The following GPR157 variants were observed in gnomAD, a reference collection of about 807,000 sequenced individuals.
The protein encoded by GPR157 is G-protein coupled receptor 157.
Under a neutral mutation model 23.5 loss-of-function variants are expected in GPR157, and 16 were observed. The ratio of observed to expected loss-of-function variants is 0.68; its 90% CI spans 0.46 to 1.04. The LOEUF (loss-of-function observed/expected upper bound fraction) is 1.04. GPR157 is among the 50% of genes least tolerant of loss of function. The pLI is 0.00. For synonymous variants in GPR157, 200 were observed against 221.5 expected (o/e 0.90, Z 0.86); for missense variants, 440 against 460.7 (o/e 0.96, Z 0.41).
In GPR157 at chr1:9,129,020, G is replaced by T. The variant is rs1482223820; in HGVS notation, c.8C>A (p.Pro3Gln). 2 of 1,287,770 alleles carry T rather than the reference G, an allele frequency of 1.6e-6. No individual in the cohort carries two copies. The highest frequency in any genetic ancestry group is 9.8e-7 in the Non-Finnish European group (1 of 1,020,424). 79.8% of individuals were successfully genotyped at this position (1,287,770 alleles called of 1,614,324 possible). Reference sequence around the variant, plus strand: ...CACCAGCTCGGTGGGCGGCGGGGACGGCTGCATGGCGTGGGGGGCCAGGAG... The same window carrying T: ...CACCAGCTCGGTGGGCGGCGGGGACTGCTGCATGGCGTGGGGGGCCAGGAG... MQ[P>Q]SPPPTELVPS... Residue 3 changes from proline to glutamine, a missense_variant, in exon 1 of 4, where the codon CCG becomes CAG. Coordinates refer to ENST00000377411, the MANE Select transcript of GPR157 (RefSeq NM_024980.5).
rs533249081 is a variant in GPR157, at chr1:9,105,494, C to G, written c.784G>C (p.Val262Leu). ...AGGGAGGGCAGACCTACATGCAGAACCACCAGCACCGGCGTCTGCACGGCC... is the reference window on the plus strand; with the variant it reads ...AGGGAGGGCAGACCTACATGCAGAAGCACCAGCACCGGCGTCTGCACGGCC... Reference protein sequence around the residue: ...SPAVQTPVLVVLHGIGNTFQG... With the variant: ...SPAVQTPVLVLLHGIGNTFQG... The change falls in exon 3 of 4, where the codon GTT becomes CTT. Residue 262 changes from valine to leucine, a missense_variant. Physicochemically the swap from Val to Leu is conservative, Grantham distance 32 (BLOSUM62 1). Transcript: ENST00000377411. The surrounding 1 kb of genome is among the most constrained non-coding windows in gnomAD (Gnocchi z 4.8). The G allele has an allele frequency of 3.5e-5, 54 of 1,564,298 alleles. No homozygotes were observed. The South Asian group carries it at 6.0e-4, about 17-fold the overall frequency.
chr1:9,118,854 T>G lies in GPR157; in HGVS notation c.384-7365A>C, dbSNP rs1423550537. Among the ~76,000 whole-genome samples the G allele has an allele frequency of 6.6e-6, 1 of 151,972 alleles. No individual in the cohort carries two copies. The highest frequency in any genetic ancestry group is 1.5e-5 in the Non-Finnish European group (1 of 67,978). ...TTTGAGACCAGCCTGGGCAACAAAG[T>G]GAGACCCTGTCTCTACAAAAAAATA... On this transcript the variant is annotated intron_variant, in intron 1 of 3. Coordinates refer to ENST00000377411, the MANE Select transcript of GPR157 (RefSeq NM_024980.5). This position sits in a 1 kb window ranked among gnomAD's most constrained non-coding sequence, Gnocchi z 4.6.
At chr1:9,113,606 G>C (rs150924600) in intron 1 of GPR157, among the ~76,000 whole-genome samples, 1 of 152,260 alleles carries the variant, frequency 6.6e-6, no homozygotes, top group East Asian at 1.9e-4. Context: ...TCGGTGGCAG[G>C]AGGCAGCATG....
At chr1:9,123,521 T>A (rs865800049) in intron 1 of GPR157, among the ~76,000 whole-genome samples, 43 of 72,568 alleles carry the variant, frequency 5.9e-4, no homozygotes, top group African/African-American at 2.6e-3. Flanking sequence ...ATATATTTAA[T>A]TTAAATATAT....
At position 9,128,888 on chromosome 1, in the gene GPR157, C is replaced by T; in HGVS notation, c.140G>A (p.Arg47Gln). 9.6e-6 allele frequency: 15 copies of T among 1,559,196 alleles called. No homozygotes were observed. The highest frequency in any genetic ancestry group is 1.3e-5 in the Non-Finnish European group (15 of 1,153,820). ...CAGCGACAGGAAGAGCAGCAGGCGC[C>T]GTGCCCGGCTGCGCAGGTCGGGCCA... ...ALWPDLRSRARRLLLFLSLAD... is the reference protein window; with the variant it reads ...ALWPDLRSRAQRLLLFLSLAD... The change falls in exon 1 of 4, where the codon CGG (arginine) becomes CAG (glutamine). Residue 47 changes from arginine (R) to glutamine (Q), a missense_variant. Physicochemically the swap from Arg to Gln is conservative, Grantham distance 43. Transcript: ENST00000377411. The surrounding 1 kb of genome is among the most constrained non-coding windows in gnomAD (Gnocchi z 6.3).
rs2124504589 is a variant in GPR157, at chr1:9,104,251, G to C, written c.*168C>G. On this transcript the variant is annotated 3_prime_UTR_variant, in exon 4 of 4. Transcript: ENST00000377411. ...GAACTTGCTGCCTGAGGATCTAGGAGGTAGAAGAAGCTGAGTTGGCAGCTG... is the reference window on the plus strand; with the variant it reads ...GAACTTGCTGCCTGAGGATCTAGGACGTAGAAGAAGCTGAGTTGGCAGCTG... 3 of 601,464 alleles carry C rather than the reference G, an allele frequency of 5.0e-6. No homozygotes were observed. The South Asian group carries it at 6.2e-5, about 12-fold the overall frequency. The allele number at this position is 601,464 out of a possible 1,614,324, so 37.3% of individuals were successfully genotyped here.
At chr1:9,121,417 C>T (rs532403941) in intron 1 of GPR157, among the ~76,000 whole-genome samples, 4 of 151,864 alleles carry the variant, frequency 2.6e-5, no homozygotes, top group Non-Finnish European at 5.9e-5. Flanking sequence ...GCAGGTGGAT[C>T]ATTTGAGGTC....
rs996064633 is a variant in GPR157 at position 9,102,719 on chromosome 1, G to A, written c.*1700C>T. On this transcript the variant is annotated 3_prime_UTR_variant, in exon 4 of 4. Coordinates refer to ENST00000377411, the MANE Select transcript of GPR157 (RefSeq NM_024980.5). ...AGCATTTCCACTTCCATTCTTTGCC[G>A]ATGGCTCCTGTGACTGAACACAGAA... 2 of 152,074 alleles carry A rather than the reference G, an allele frequency of 1.3e-5. No individual in the cohort carries two copies. Among genetic ancestry groups the A allele is most frequent in the Non-Finnish European group, 1.5e-5 (1 of 68,030 alleles). 9.4% of individuals were successfully genotyped at this position (152,074 alleles called of 1,614,324 possible). A position where few individuals can be genotyped will look rare whatever the true frequency, so the allele number is the denominator to read the frequency against.
At position 9,105,365 on chromosome 1, in the gene GPR157, A is replaced by G. The variant is rs560998952; in HGVS notation, c.792+121T>C. On this transcript the variant is annotated intron_variant, in intron 3 of 3. Transcript: ENST00000377411. This position sits in a 1 kb window ranked among gnomAD's most constrained non-coding sequence, Gnocchi z 4.8. ...AGGAAGGCACAGCACAGTGGGGCCG[A>G]GCTCCTCCCTGCAGCTGTGCCTTGG... 7.0e-6 allele frequency: 6 copies of G among 860,888 alleles called. No homozygotes were observed. In the East Asian group the frequency reaches 1.6e-4, roughly 23 times the overall value. 53.3% of individuals were successfully genotyped at this position (860,888 alleles called of 1,614,324 possible).
chr1:9,128,762 G>A lies in GPR157; in HGVS notation c.266C>T (p.Ala89Val), dbSNP rs758783070. The A allele has an allele frequency of 1.2e-5, 19 of 1,612,572 alleles. No individual in the cohort carries two copies. The highest frequency in any genetic ancestry group is 1.5e-5 in the Non-Finnish European group (18 of 1,179,468). Residue 89 changes from alanine (A) to valine (V), a missense_variant, in exon 1 of 4, where the codon GCC (alanine) becomes GTC (valine). Physicochemically the swap from Ala to Val is moderately conservative, Grantham distance 64. Coordinates refer to ENST00000377411, the MANE Select transcript of GPR157 (RefSeq NM_024980.5). This position sits in a 1 kb window ranked among gnomAD's most constrained non-coding sequence, Gnocchi z 6.3. The stretch of plus-strand genomic sequence containing the variant: ...GGTCCAGAAGAAGGAGCTGGTGTTG[G>A]CGAAGGTGGACAGCGCGCCCTGCAG... ...CVLQGALSTF[A>V]NTSSFFWTVA...
Position 9,105,074 on chromosome 1 carries a change from T to A in GPR157, c.792+412A>T, listed in dbSNP as rs1040750437. 4.2e-5 allele frequency among the ~76,000 whole-genome samples: 5 copies of A among 117,934 alleles called. No individual in the cohort carries two copies. Among genetic ancestry groups the A allele is most frequent in the Non-Finnish European group, 8.5e-5 (5 of 59,066 alleles). 77.4% of individuals were successfully genotyped at this position (117,934 alleles called of 152,430 possible). On this transcript the variant is annotated intron_variant, in intron 3 of 3. Transcript: ENST00000377411. The surrounding 1 kb of genome is among the most constrained non-coding windows in gnomAD (Gnocchi z 4.8). ...ACACACACACACACACACACATGCA[T>A]ACACACATGCATACATGCACACACA...
At position 9,123,219 on chromosome 1, in the gene GPR157, AAAATATATATTTAAATATATATTAATTT is replaced by A. The variant is rs1557700459; in HGVS notation, c.383+5398_383+5425del. Among the ~76,000 whole-genome samples, 2 of 126,660 alleles carry A rather than the reference AAAATATATATTTAAATATATATTAATTT, an allele frequency of 1.6e-5. 1 individual carries two copies. The highest frequency in any genetic ancestry group is 3.2e-5 in the Non-Finnish European group (2 of 62,506). 83.1% of individuals were successfully genotyped at this position (126,660 alleles called of 152,430 possible). On this transcript the variant is annotated intron_variant, in intron 1 of 3. Transcript: ENST00000377411. ...AATAAAATTTATATATATATTTATT[AAAATATATATTTAAATATATATTAATTT>A]AAATATATATTTAAATATATATATT...
intron 2 of GPR157, among the ~76,000 whole-genome samples, chr1:9,106,609 C>A (rs1005948447): frequency 6.6e-6 from 1 of 152,244 alleles, no homozygotes; most frequent in African/African-American, 2.4e-5. Flanking sequence ...GGGCTCCCCC[C>A]GGCCCTCTTC....
chr1:9,104,016 G>A lies in GPR157; in HGVS notation c.*403C>T, dbSNP rs77615260. 2,650 of 168,786 alleles carry A rather than the reference G, an allele frequency of 0.016. 78 individuals are homozygous for A. The highest frequency in any genetic ancestry group is 0.059 in the African/African-American group (2,508 of 42,266). 10.5% of individuals were successfully genotyped at this position (168,786 alleles called of 1,614,324 possible). A position where few individuals can be genotyped will look rare whatever the true frequency, so the allele number is the denominator to read the frequency against. ...GTGTGGATGGGGACACATCTCTGAG[G>A]GCCCCTGACAGCTTATTTAATCACA... On this transcript the variant is annotated 3_prime_UTR_variant, in exon 4 of 4. Coordinates refer to ENST00000377411, the MANE Select transcript of GPR157 (RefSeq NM_024980.5).
intron 1 of GPR157, among the ~76,000 whole-genome samples, chr1:9,121,629 G>C (rs959487568): frequency 1.3e-5 from 2 of 152,174 alleles, no homozygotes; most frequent in Admixed American, 6.5e-5. Flanking sequence ...GACAGAGCTA[G>C]ACTCCATCTC....
In GPR157 at chr1:9,129,010, C is replaced by A; in HGVS notation, c.18G>T (p.Pro6=). The change falls in exon 1 of 4, where the codon CCG becomes CCT. Residue 6 remains proline (P), a synonymous_variant. Coordinates refer to ENST00000377411, the MANE Select transcript of GPR157 (RefSeq NM_024980.5). The part of the protein sequence containing the change: MQPSP[P]PTELVPSERA... ...GCTCCGACGGCACCAGCTCGGTGGG[C>A]GGCGGGGACGGCTGCATGGCGTGGG... 1 of 1,304,138 alleles carries A rather than the reference C, an allele frequency of 7.7e-7. No homozygotes were observed. 80.8% of individuals were successfully genotyped at this position (1,304,138 alleles called of 1,614,324 possible).
At position 9,111,247 on chromosome 1, in the gene GPR157, G is replaced by T. The variant is rs61785824; in HGVS notation, c.597+29C>A. On this transcript the variant is annotated intron_variant, in intron 2 of 3. Transcript: ENST00000377411. ...CACCTGGGCACAGCGGCCATGCAGA[G>T]GGCCCTGAGCTCTAAGGGCAGCGCC... 4,551 of 1,601,866 alleles carry T rather than the reference G, an allele frequency of 2.8e-3. 107 individuals are homozygous for T. The African/African-American group carries it at 0.053, about 19-fold the overall frequency.
At chr1:9,114,049 G>A (rs1331187635) in intron 1 of GPR157, among the ~76,000 whole-genome samples, 2 of 151,296 alleles carry the variant, frequency 1.3e-5, no homozygotes, top group Non-Finnish European at 2.9e-5. Context: ...GGCCAGGCGA[G>A]GTGGCTCACG....
chr1:9,105,385 C>A lies in GPR157; in HGVS notation c.792+101G>T. On this transcript the variant is annotated intron_variant, in intron 3 of 3. Coordinates refer to ENST00000377411, the MANE Select transcript of GPR157 (RefSeq NM_024980.5). This position sits in a 1 kb window ranked among gnomAD's most constrained non-coding sequence, Gnocchi z 4.8. ...GGCCGAGCTCCTCCCTGCAGCTGTGCCTTGGCCGACACTGGGGTGCAGCCA... is the reference window on the plus strand; with the variant it reads ...GGCCGAGCTCCTCCCTGCAGCTGTGACTTGGCCGACACTGGGGTGCAGCCA... 1.8e-6 allele frequency: 2 copies of A among 1,103,538 alleles called. No homozygotes were observed. The highest frequency in any genetic ancestry group is 2.6e-6 in the Non-Finnish European group (2 of 778,134). The allele number at this position is 1,103,538 out of a possible 1,614,324, so 68.4% of individuals were successfully genotyped here.
Sources: gnomAD v4.1 joint callset for allele counts (sites outside exome capture counted in the v4.1 genomes callset) on GRCh38, gnomAD v4.1.1 for gene constraint, Gnocchi (gnomAD v3.1) non-coding constraint, MANE v1.5 for transcripts, NCBI Gene and HGNC (gene_info 2026-07-23, HGNC 2026-07-21) for gene names.